CAPN8: variants seen among roughly 807,000 people sequenced by gnomAD.
CAPN8 encodes the protein calpain-8.
In CAPN8, 87 loss-of-function variants were observed where a neutral mutation model predicts 80.9. The ratio of observed to expected loss-of-function variants is 1.07; its 90% CI spans 0.90 to 1.28. The LOEUF is 1.28. Ranked by LOEUF, CAPN8 falls within the 50% of genes most tolerant of loss-of-function variation. The pLI is 0.00. For missense variants in CAPN8, 757 were observed against 702.0 expected (o/e 1.08, Z -0.89); for synonymous variants, 299 against 273.8 (o/e 1.09, Z -0.91).
At chr1:223,548,271 G>A (rs1473891048) in intron 16 of CAPN8, among the ~76,000 whole-genome samples, 1 of 152,086 alleles carries the variant, frequency 6.6e-6, no homozygotes, top group African/African-American at 2.4e-5. Flanking sequence ...GTGATAAATG[G>A]CAACCTGGAC....
rs762176658 is a variant in CAPN8 at position 223,616,102 on chromosome 1, T to G, written c.1179A>C (p.Glu393Asp). 1 of 1,551,798 alleles carries G rather than the reference T, an allele frequency of 6.4e-7. No homozygotes were observed. Among genetic ancestry groups the G allele is most frequent in the Non-Finnish European group, 8.7e-7 (1 of 1,147,010 alleles). Residue 393 changes from glutamate (E) to aspartate (D), a missense_variant, in exon 10 of 21, where the codon GAA becomes GAC. By Grantham distance (45) the Glu-to-Asp change is conservative. Transcript: ENST00000366872. ...TGCTCTCCTCCTGGTCCTCATCCAC[T>G]TCATCCAAACGGATTTTGAACTGGG... ...TNPQFKIRLD[E>D]VDEDQEESIG...
chr1:223,555,470 A>C (rs1054934794), intron 13 of CAPN8, among the ~76,000 whole-genome samples: 2 of 152,240 alleles, frequency 1.3e-5, no homozygotes, highest in South Asian at 4.1e-4. Context: ...CTAAAAATAC[A>C]TCTAGATTTT....
At chr1:223,552,108 C>T (rs1447719534) in intron 14 of CAPN8, among the ~76,000 whole-genome samples, 2 of 152,190 alleles carry the variant, frequency 1.3e-5, no homozygotes, top group East Asian at 3.9e-4. Flanking sequence ...CCTTATTCAT[C>T]ATGTGACTTT....
At chr1:223,613,243 C>A (rs1313064136) in intron 10 of CAPN8, among the ~76,000 whole-genome samples, 1 of 152,238 alleles carries the variant, frequency 6.6e-6, no homozygotes, top group Non-Finnish European at 1.5e-5. Context: ...GGCATGCTCA[C>A]TTCTGGAGCC....
At chr1:223,647,506 ACCC>A (rs1658222248) in intron 2 of CAPN8, among the ~76,000 whole-genome samples, 2 of 152,018 alleles carry the variant, frequency 1.3e-5, no homozygotes, top group Admixed American at 1.3e-4. Flanking sequence ...CTTATTGCCT[ACCC>A]TCCTTTCTTT....
At chr1:223,663,049 C>T (rs936238624) in intron 1 of CAPN8, among the ~76,000 whole-genome samples, 3 of 152,314 alleles carry the variant, frequency 2.0e-5, no homozygotes, top group Admixed American at 6.5e-5. Context: ...TTACTCAACA[C>T]GCACTTGAAA....
At chr1:223,618,671 T>C (rs932655599) in intron 9 of CAPN8, among the ~76,000 whole-genome samples, 3 of 152,186 alleles carry the variant, frequency 2.0e-5, no homozygotes, top group Non-Finnish European at 2.9e-5. Flanking sequence ...CAGGAGGCCT[T>C]AGCATAAGGT....
At position 223,665,569 on chromosome 1, in the gene CAPN8, C is replaced by T. The variant is rs995824336; in HGVS notation, c.78G>A (p.Lys26=). The change falls in exon 1 of 21, where the codon AAG becomes AAA. Residue 26 remains lysine (K), a synonymous_variant. Coordinates refer to ENST00000366872, the MANE Select transcript of CAPN8 (RefSeq NM_001143962.2). ...QGLGSNQNAL[K]YLGQDFKTLR... ...GGGTCTTGAAATCCTGGCCCAAGTA[C>T]TTCAAAGCGTTTTGGTTGGAGCCAA... is the stretch of plus-strand genomic sequence containing the variant. The T allele has an allele frequency of 1.9e-6, 3 of 1,551,728 alleles. No homozygotes were observed. Among genetic ancestry groups the T allele is most frequent in the Non-Finnish European group, 1.7e-6 (2 of 1,147,010 alleles).
intron 20 of CAPN8, among the ~76,000 whole-genome samples, chr1:223,542,627 C>T (rs548211031): frequency 1.3e-5 from 2 of 152,250 alleles, no homozygotes; most frequent in South Asian, 2.1e-4. Context: ...AGGCCTCTGT[C>T]GTACAGGGGT....
chr1:223,644,130 C>T (rs755092718), intron 2 of CAPN8: 60 of 332,016 alleles, frequency 1.8e-4, no homozygotes, highest in Non-Finnish European at 1.8e-4. Flanking sequence ...CACTATGTAC[C>T]CGAGTAATAT....
chr1:223,657,209 C>T (rs1042632765), intron 1 of CAPN8, among the ~76,000 whole-genome samples: 5 of 152,052 alleles, frequency 3.3e-5, no homozygotes, highest in African/African-American at 1.2e-4. Flanking sequence ...AAAGTGGCAC[C>T]AGCCAATCTG....
At chr1:223,616,212 A>G (rs941628540) in intron 9 of CAPN8, 67 bp from the exon 10 acceptor site, 2 of 1,468,552 alleles carry the variant, frequency 1.4e-6, no homozygotes, top group Non-Finnish European at 1.8e-6. Context: ...GAATAAAGTA[A>G]AAGGGAAGAA....
At chr1:223,618,372 G>A in intron 9 of CAPN8, 2 of 1,500,886 alleles carry the variant, frequency 1.3e-6, no homozygotes, top group Non-Finnish European at 1.8e-6. Context: ...CGGAGGCCAT[G>A]CTTTGCACCA....
intron 5 of CAPN8, among the ~76,000 whole-genome samples, chr1:223,626,196 G>T (rs1172035644): frequency 6.6e-6 from 1 of 152,006 alleles, no homozygotes; most frequent in Non-Finnish European, 1.5e-5. Flanking sequence ...CCTGAAGAAG[G>T]CTAATTCTCC....
chr1:223,622,106 G>A (rs1273550082), intron 7 of CAPN8, among the ~76,000 whole-genome samples: 1 of 152,146 alleles, frequency 6.6e-6, no homozygotes, highest in African/African-American at 2.4e-5. Flanking sequence ...GTACCCAGCT[G>A]AGACTGGCTA....
intron 2 of CAPN8, among the ~76,000 whole-genome samples, chr1:223,652,949 T>C (rs1053854094): frequency 7.2e-5 from 11 of 152,014 alleles, no homozygotes; most frequent in Non-Finnish European, 1.6e-4. Context: ...CACTTCTCCT[T>C]GCTTAAAACT....
intron 2 of CAPN8, among the ~76,000 whole-genome samples, chr1:223,643,125 T>A (rs1558353037): frequency 6.6e-6 from 1 of 152,020 alleles, no homozygotes; most frequent in Non-Finnish European, 1.5e-5. Flanking sequence ...AGAAGCCAGG[T>A]GTAATGGGGA....
chr1:223,558,929 T>G (rs1404289683), intron 12 of CAPN8, among the ~76,000 whole-genome samples: 1 of 4 alleles, frequency 0.25, no homozygotes, highest in Non-Finnish European at 0.5. Flanking sequence ...TACATGATGT[T>G]CATGTGNNNN....
intron 10 of CAPN8, chr1:223,615,705 T>G (rs1021129149): frequency 2.9e-5 from 17 of 576,878 alleles, no homozygotes; most frequent in African/African-American, 1.8e-4. Context: ...AATGAACACA[T>G]GTACACTGAG....
Sources: gnomAD v4.1 joint callset for allele counts (sites outside exome capture counted in the v4.1 genomes callset) on GRCh38, gnomAD v4.1.1 for gene constraint, MANE v1.5 for transcripts, NCBI Gene and HGNC (gene_info 2026-07-23, HGNC 2026-07-21) for gene names.